Variants in RASAL1 observed in about 807,000 individuals in gnomAD.
The protein encoded by RASAL1 is rasGAP-activating-like protein 1.
A neutral mutation model predicts 96.6 loss-of-function variants in RASAL1; 72 were observed. The ratio of observed to expected loss-of-function variants is 0.75; its 90% confidence interval spans 0.62 to 0.91. The LOEUF (loss-of-function observed/expected upper bound fraction) is 0.91, where lower values mean the gene tolerates loss of function less well. Ranked by LOEUF, RASAL1 falls within the 40% of genes least tolerant of loss-of-function variation. The pLI, the probability that RASAL1 is intolerant of heterozygous loss-of-function variation, is 0.00. For synonymous variants in RASAL1, 405 were observed against 430.4 expected (o/e 0.94, Z 0.73); for missense variants, 1,016 against 1,072.5 (o/e 0.95, Z 0.74).
Position 113,103,964 on chromosome 12 carries a change from G to A in RASAL1, c.2086C>T (p.Leu696Phe). The change falls in exon 18 of 21, where the codon CTC becomes TTC. Residue 696 changes from leucine (L) to phenylalanine (F), a missense_variant. Leu to Phe is a conservative substitution (Grantham distance 22, BLOSUM62 0). Coordinates refer to ENST00000548055, the MANE Select transcript of RASAL1 (RefSeq NM_001301202.2). ...CCCTCACCTGAGCGCTCAGCCTGGA[G>A]GCAGCAGGTCCAGCGCGCGCTGCGG... is the stretch of plus-strand genomic sequence containing the variant. ...AFRSARWTCC[L>F]QAERSAAGCS... The A allele has an allele frequency of 6.4e-7, 1 of 1,561,138 alleles. No individual in the cohort carries two copies. The highest frequency in any genetic ancestry group is 2.4e-5 in the East Asian group (1 of 42,274).
Position 113,100,068 on chromosome 12 carries a change from C to G in RASAL1, c.2279G>C (p.Gly760Ala). The G allele has an allele frequency of 6.2e-7, 1 of 1,600,950 alleles. No individual in the cohort carries two copies. Among genetic ancestry groups the G allele is most frequent in the South Asian group, 1.1e-5 (1 of 89,508 alleles). Reference protein sequence around the residue: ...NMDTTLEADTGACPEVLARQR... With the variant: ...NMDTTLEADTAACPEVLARQR... ...CCGGGCCAGGACCTCAGGACAGGCC[C>G]CTAGGAGGGAGACAAGAGGCCACAG... Residue 760 changes from glycine (G) to alanine (A), a missense_variant and splice_region_variant, in exon 21 of 21, where the codon GGG (glycine) becomes GCG (alanine). By Grantham distance (60) the Gly-to-Ala change is moderately conservative. Coordinates refer to ENST00000548055, the MANE Select transcript of RASAL1 (RefSeq NM_001301202.2).
chr12:113,100,591 A>AC (rs35894640), intron 20 of RASAL1, 37 bp downstream of exon 20: 1 of 1,571,532 alleles, frequency 6.4e-7, no homozygotes, highest in Non-Finnish European at 8.7e-7. Context: ...GAGCCACTGC[A>AC]CCCAGCCTTT....
Position 113,112,177 on chromosome 12 carries a change from C to T in RASAL1, c.1283G>A (p.Gly428Asp), listed in dbSNP as rs573561788. 8.0e-7 allele frequency: 1 copy of T among 1,257,188 alleles called. No individual in the cohort carries two copies. Among genetic ancestry groups the T allele is most frequent in the Non-Finnish European group, 1.0e-6 (1 of 992,930 alleles). The allele number at this position is 1,257,188 out of a possible 1,614,324, so 77.9% of individuals were successfully genotyped here. A position where few individuals can be genotyped will look rare whatever the true frequency, so the allele number is the denominator to read the frequency against. ...YLGPIVDAIVGSVGRCPPAMR... is the reference protein window; with the variant it reads ...YLGPIVDAIVDSVGRCPPAMR... Reference sequence around the variant, plus strand: ...GGCGGGCGGGCAGCGCCCCACGGAGCCCACGATGGCGTCCACGATGGGCCC... The same window carrying T: ...GGCGGGCGGGCAGCGCCCCACGGAGTCCACGATGGCGTCCACGATGGGCCC... The change falls in exon 13 of 21, where the codon GGC (glycine) becomes GAC (aspartate). Residue 428 changes from glycine (G) to aspartate (D), a missense_variant. Gly to Asp is a moderately conservative substitution (Grantham distance 94, BLOSUM62 -1). Coordinates refer to ENST00000548055, the MANE Select transcript of RASAL1 (RefSeq NM_001301202.2).
At chr12:113,100,724 C>A (rs1592870597) in intron 19 of RASAL1, 44 bp from the exon 20 acceptor site, 1 of 1,546,260 alleles carries the variant, frequency 6.5e-7, no homozygotes, top group South Asian at 1.1e-5. Flanking sequence ...CCCTGATTCC[C>A]ATTCCTGCTT....
rs1448577420 is a variant in RASAL1, at chr12:113,130,123, C to A, written c.122+762G>T. Among the ~76,000 whole-genome samples the A allele has an allele frequency of 2.6e-5, 4 of 152,084 alleles. No individual in the cohort carries two copies. The highest frequency in any genetic ancestry group is 5.9e-5 in the Non-Finnish European group (4 of 67,970). On this transcript the variant is annotated intron_variant, in intron 2 of 20. Coordinates refer to ENST00000548055, the MANE Select transcript of RASAL1 (RefSeq NM_001301202.2). The surrounding 1 kb of genome is among the most constrained non-coding windows in gnomAD (Gnocchi z 5.1). ...TGAATCCTGCCGTCTCCATAGGAAC[C>A]AAGGCCTCAGCCACCCACCAGCCCA...
In RASAL1 at chr12:113,114,889, G is replaced by A. The variant is rs140563833; in HGVS notation, c.1092C>T (p.His364=). The change falls in exon 12 of 21, where the codon CAC becomes CAT. Residue 364 remains histidine, a synonymous_variant. Transcript: ENST00000548055. The part of the protein sequence containing the change: ...FMKLVGMPYL[H]EVLKPVISRV... ...GGCTAATCACAGGCTTCAGGACCTCGTGCAGGTAGGGCATGCCCACGAGCT... is the reference window on the plus strand; with the variant it reads ...GGCTAATCACAGGCTTCAGGACCTCATGCAGGTAGGGCATGCCCACGAGCT... 376 of 1,614,012 alleles carry A rather than the reference G, an allele frequency of 2.3e-4. 1 individual carries two copies. The African/African-American group carries it at 4.5e-3, about 19-fold the overall frequency.
chr12:113,132,952 C>T (rs1951776411), intron 1 of RASAL1, among the ~76,000 whole-genome samples: 1 of 152,220 alleles, frequency 6.6e-6, no homozygotes, highest in Admixed American at 6.5e-5. Context: ...CACCTTCAGA[C>T]TCCTGTGGCT....
rs1055637035 is a variant in RASAL1, at chr12:113,104,044, C to T, written c.2006G>A (p.Arg669His). The T allele has an allele frequency of 1.3e-6, 2 of 1,569,060 alleles. No individual in the cohort carries two copies. Among genetic ancestry groups the T allele is most frequent in the Non-Finnish European group, 1.7e-6 (2 of 1,154,650 alleles). ...NELNQWLSALRKASAPNPNKL... is the reference protein window; with the variant it reads ...NELNQWLSALHKASAPNPNKL... ...GTTCGGGTTGGGGGCGCTGGCCTTG[C>T]GCAAGGCCGAGAGCCACTGGTTGAG... The change falls in exon 18 of 21, where the codon CGC becomes CAC. Residue 669 changes from arginine (R) to histidine (H), a missense_variant. Physicochemically the swap from Arg to His is conservative, Grantham distance 29 (BLOSUM62 0). Coordinates refer to ENST00000548055, the MANE Select transcript of RASAL1 (RefSeq NM_001301202.2).
chr12:113,106,078 G>A lies in RASAL1; in HGVS notation c.1658-192C>T, dbSNP rs1041261090. Among the ~76,000 whole-genome samples the A allele has an allele frequency of 2.6e-5, 4 of 152,172 alleles. 1 individual carries two copies. Among genetic ancestry groups the A allele is most frequent in the Admixed American group, 2.6e-4 (4 of 15,290 alleles). On this transcript the variant is annotated intron_variant, in intron 15 of 20. Coordinates refer to ENST00000548055, the MANE Select transcript of RASAL1 (RefSeq NM_001301202.2). ...ATGCAATCATGGAGGCTGGGAGGAG[G>A]GGGAGGGCAGAGTAGCCCTTGAAGA...
chr12:113,104,362 C>T, intron 16 of RASAL1, 64 bp from the exon 17 acceptor site: 1 of 1,471,452 alleles, frequency 6.8e-7, no homozygotes, highest in South Asian at 1.3e-5. Context: ...GGACACCTTC[C>T]GTCTGGTTGT....
At chr12:113,126,276 C>T (rs1951477094) in intron 4 of RASAL1, among the ~76,000 whole-genome samples, 1 of 152,048 alleles carries the variant, frequency 6.6e-6, no homozygotes, top group Non-Finnish European at 1.5e-5. Context: ...CAGAGCAAGA[C>T]TCCGTCTCAA....
At chr12:113,117,962 G>A (rs1951150608) in intron 7 of RASAL1, among the ~76,000 whole-genome samples, 1 of 152,182 alleles carries the variant, frequency 6.6e-6, no homozygotes, top group Non-Finnish European at 1.5e-5. Flanking sequence ...GGTAGCTCAT[G>A]CCTGTAATCC....
At chr12:113,102,074 G>A (rs1376628429) in intron 18 of RASAL1, 65 bp from the exon 19 acceptor site, 23 of 1,564,894 alleles carry the variant, frequency 1.5e-5, no homozygotes, top group Non-Finnish European at 2.0e-5. Flanking sequence ...CCACAGCCAG[G>A]CATTCGCCAA....
intron 5 of RASAL1, 42 bp downstream of exon 5, chr12:113,121,467 A>C (rs774994848): frequency 6.2e-7 from 1 of 1,611,030 alleles, no homozygotes; most frequent in East Asian, 2.2e-5. Flanking sequence ...ACTCCTGCTC[A>C]TTCTCAGACC....
rs531552078 is a variant in RASAL1, at chr12:113,100,736, C to T, written c.2226-56G>A. On this transcript the variant is annotated intron_variant, in intron 19 of 20. Transcript: ENST00000548055. ...GGTCCCTGATTCCCATTCCTGCTTCCTACCCCAGAAATTCTCTGAGAAATT... is the reference window on the plus strand; with the variant it reads ...GGTCCCTGATTCCCATTCCTGCTTCTTACCCCAGAAATTCTCTGAGAAATT... 18 of 1,484,528 alleles carry T rather than the reference C, an allele frequency of 1.2e-5. No individual in the cohort carries two copies. The African/African-American group carries it at 2.4e-4, about 19-fold the overall frequency. The allele number at this position is 1,484,528 out of a possible 1,614,324, so 92.0% of individuals were successfully genotyped here.
chr12:113,122,592 T>A (rs1382733578), intron 4 of RASAL1, among the ~76,000 whole-genome samples: 1 of 151,544 alleles, frequency 6.6e-6, no homozygotes. Context: ...CCCAAAGTTC[T>A]GGGATTACAG....
chr12:113,122,234 CT>C (rs1283988150), intron 4 of RASAL1, among the ~76,000 whole-genome samples: 1 of 152,192 alleles, frequency 6.6e-6, no homozygotes, highest in African/African-American at 2.4e-5. Context: ...ACACTTCCCC[CT>C]GGTATAGAAA....
At chr12:113,119,503 G>T in intron 5 of RASAL1, 60 bp from the exon 6 acceptor site, 1 of 1,458,018 alleles carries the variant, frequency 6.9e-7, no homozygotes, top group South Asian at 1.2e-5. Flanking sequence ...CCTTGGAAAG[G>T]CTGTTAAGAG....
intron 4 of RASAL1, among the ~76,000 whole-genome samples, chr12:113,124,651 G>T (rs947052258): frequency 5.9e-5 from 9 of 152,202 alleles, no homozygotes; most frequent in African/African-American, 2.2e-4. Context: ...CTAGAAGGGG[G>T]AAGTCACCTC....
Sources: allele counts gnomAD v4.1 joint callset (sites outside exome capture counted in the v4.1 genomes callset), GRCh38; gene constraint gnomAD v4.1.1; non-coding constraint Gnocchi (gnomAD v3.1); transcripts MANE v1.5; gene names NCBI Gene and HGNC (gene_info 2026-07-23, HGNC 2026-07-21).